NBPF9: variants seen among roughly 807,000 people sequenced by gnomAD.
NBPF9 encodes the protein NBPF member 9, also known as NBPF family member NBPF9.
Under a neutral mutation model 97.8 loss-of-function variants are expected in NBPF9, and 91 were observed. The observed-to-expected ratio is 0.93, with a 90% CI of 0.79 to 1.11. The LOEUF is 1.11. Among genes scored for constraint, NBPF9 ranks in the 50% least tolerant of loss-of-function variants. NBPF9 has a pLI of 0.00. For synonymous variants in NBPF9, 334 were observed against 359.5 expected (o/e 0.93, Z 0.80); for missense variants, 992 against 939.5 (o/e 1.06, Z -0.73).
At chr1:149,055,466 T>C in exon 30 of NBPF9, 1 of 1,062,958 alleles carries the variant, frequency 9.4e-7, no homozygotes, top group South Asian at 1.6e-5. Flanking sequence ...GTGTCACACC[T>C]AACGTGGGTC....
intron 11 of NBPF9, among the ~76,000 whole-genome samples, chr1:149,076,758 T>A (rs1468353895): frequency 6.7e-6 from 1 of 150,130 alleles, no homozygotes; most frequent in East Asian, 2.0e-4. Flanking sequence ...TCCACCCACC[T>A]CGGCCTCCCA....
rs1344744657 is a variant in NBPF9 at position 149,059,786 on chromosome 1, C to A, written c.2499G>T (p.Gly833=). 14 of 528,834 alleles carry A rather than the reference C, an allele frequency of 2.6e-5. 1 individual carries two copies. Among genetic ancestry groups the A allele is most frequent in the Non-Finnish European group, 4.7e-5 (14 of 295,044 alleles). The allele number at this position is 528,834 out of a possible 1,614,324, so 32.8% of individuals were successfully genotyped here. A position where few individuals can be genotyped will look rare whatever the true frequency, so the allele number is the denominator to read the frequency against. ...TTGATCTTCTTCCCCTTCTTTTCTTCCCCTTCCCCTTCTTTTCAATTTCTG... is the reference window on the plus strand; with the variant it reads ...TTGATCTTCTTCCCCTTCTTTTCTTACCCTTCCCCTTCTTTTCAATTTCTG... Residue 833 remains glycine, a synonymous_variant, in exon 25 of 30, where the codon GGG becomes GGT. Coordinates refer to ENST00000584027, the Ensembl canonical transcript of NBPF9.
chr1:149,057,704 G>GACACACAC (rs879952249), intron 27 of NBPF9, among the ~76,000 whole-genome samples, 197 bp from the exon 28 acceptor site: 6 of 27,844 alleles, frequency 2.2e-4, no homozygotes, highest in Non-Finnish European at 5.1e-4. Context: ...AAGACAGATA[G>GACACACAC]ACACACACAC....
chr1:149,070,838 T>C (rs1345263062), intron 16 of NBPF9, 96 bp downstream of exon 16: 11 of 1,407,484 alleles, frequency 7.8e-6, no homozygotes, highest in East Asian at 4.5e-5. Context: ...ATCACAGTTT[T>C]TTATTCAAAT....
chr1:149,087,140 T>C (rs1458076079), intron 5 of NBPF9, among the ~76,000 whole-genome samples: 13 of 152,014 alleles, frequency 8.6e-5, no homozygotes, highest in Non-Finnish European at 1.6e-4. Context: ...GAGCATCTTT[T>C]CCTATGCTAA....
intron 5 of NBPF9, among the ~76,000 whole-genome samples, chr1:149,088,813 A>T (rs1174091466): frequency 6.6e-6 from 1 of 151,986 alleles, no homozygotes; most frequent in African/African-American, 2.4e-5. Context: ...TTGTGGCAGC[A>T]TTGAAGGCTT....
At chr1:149,080,847 C>A (rs1261467770) in intron 7 of NBPF9, among the ~76,000 whole-genome samples, 23 of 149,888 alleles carry the variant, frequency 1.5e-4, no homozygotes, top group Non-Finnish European at 2.5e-4. Context: ...ACAGGAAATG[C>A]CTCATGTAAT....
chr1:149,088,425 T>C (rs1319953764), intron 5 of NBPF9, among the ~76,000 whole-genome samples: 1 of 152,260 alleles, frequency 6.6e-6, no homozygotes, highest in Non-Finnish European at 1.5e-5. Context: ...TTTAGAGCTC[T>C]AGTATAATGC....
At position 149,063,766 on chromosome 1, in the gene NBPF9, G is replaced by T. The variant is rs782474996; in HGVS notation, c.1893C>A (p.Val631=). ...AACATCTATCCAGTGAGTCCTGCAA[G>T]ACTTCAGGCCCTTTCTCATCCAGCA... Residue 631 remains valine, a synonymous_variant, in exon 20 of 30, where the codon GTC becomes GTA. Coordinates refer to ENST00000584027, the Ensembl canonical transcript of NBPF9. 1.7e-3 allele frequency: 1,011 copies of T among 611,146 alleles called. 3 individuals carry two copies. Among genetic ancestry groups the T allele is most frequent in the Non-Finnish European group, 2.4e-3 (848 of 347,438 alleles). The allele number at this position is 611,146 out of a possible 1,614,324, so 37.9% of individuals were successfully genotyped here. A position where few individuals can be genotyped will look rare whatever the true frequency, so the allele number is the denominator to read the frequency against.
intron 13 of NBPF9, 47 bp from the exon 14 acceptor site, chr1:149,072,979 G>A (rs782107361): frequency 6.3e-7 from 1 of 1,583,548 alleles, no homozygotes; most frequent in East Asian, 2.2e-5. Flanking sequence ...AGGGTTGAGT[G>A]ATCCGCTCAA....
At chr1:149,074,246 G>A (rs1218840153) in intron 12 of NBPF9, among the ~76,000 whole-genome samples, 6 of 151,164 alleles carry the variant, frequency 4.0e-5, no homozygotes, top group African/African-American at 9.7e-5. Flanking sequence ...TTGTACAGTC[G>A]GGAAGGCCCC....
intron 3 of NBPF9, among the ~76,000 whole-genome samples, chr1:149,100,912 C>T (rs1483929468): frequency 6.9e-6 from 1 of 144,344 alleles, no homozygotes; most frequent in South Asian, 2.2e-4. Flanking sequence ...CTAGCCTGGG[C>T]AATAGAGTGA....
exon 3 of NBPF9, chr1:149,101,357 C>T (rs1202940957): frequency 2.9e-5 from 4 of 138,246 alleles, no homozygotes; most frequent in African/African-American, 8.2e-5. Flanking sequence ...CACTGCACTC[C>T]AGCCTGGGCA....
At position 149,055,661 on chromosome 1, in the gene NBPF9, G is replaced by A. The variant is rs587738365; in HGVS notation, c.3331C>T (p.Gln1111Ter). ...CTCGGCTTAGTAAGGGCTGCTTATT[G>A]TGGGAATATGACTTCCATCTGGAAC... Residue 1111 changes from glutamine to a stop codon, truncating the protein, a stop_gained, in exon 30 of 30, where the codon CAA (glutamine) becomes TAA (stop). Coordinates refer to ENST00000584027, the Ensembl canonical transcript of NBPF9. LOFTEE classifies it high-confidence loss of function. 2.3e-4 allele frequency: 372 copies of A among 1,611,886 alleles called. 1 individual carries two copies. Among genetic ancestry groups the A allele is most frequent in the Admixed American group, 1.4e-3 (85 of 60,006 alleles).
chr1:149,056,280 G>C (rs1553648971), intron 29 of NBPF9, among the ~76,000 whole-genome samples: 3 of 135,526 alleles, frequency 2.2e-5, no homozygotes, highest in Admixed American at 1.5e-4. Flanking sequence ...CGATGCAGTG[G>C]CCATGAGAGT....
intron 3 of NBPF9, 65 bp downstream of exon 3, chr1:149,101,197 T>C (rs1337497188): frequency 1.3e-5 from 2 of 151,548 alleles, no homozygotes; most frequent in East Asian, 1.9e-4. Flanking sequence ...GACCAGCCTA[T>C]GCAATGTGGC....
chr1:149,073,615 T>C (rs1488766444), intron 13 of NBPF9, among the ~76,000 whole-genome samples, 153 bp downstream of exon 13: 2 of 150,278 alleles, frequency 1.3e-5, no homozygotes, highest in Non-Finnish European at 3.0e-5. Context: ...ATCCTTCTTC[T>C]CTGTTTGATA....
Position 149,060,283 on chromosome 1 carries a change from G to A in NBPF9, c.2476+240C>T, listed in dbSNP as rs2078513481. 6 of 349,512 alleles carry A rather than the reference G, an allele frequency of 1.7e-5. 1 individual carries two copies. Among genetic ancestry groups the A allele is most frequent in the Non-Finnish European group, 2.2e-5 (4 of 185,386 alleles). The allele number at this position is 349,512 out of a possible 1,614,324, so 21.7% of individuals were successfully genotyped here. A position where few individuals can be genotyped will look rare whatever the true frequency, so the allele number is the denominator to read the frequency against. ...CACATCTGCCCAGGTCCAATGTCATGAGGATAGGATCAGGGCGCCACAGGT... is the reference window on the plus strand; with the variant it reads ...CACATCTGCCCAGGTCCAATGTCATAAGGATAGGATCAGGGCGCCACAGGT... On this transcript the variant is annotated intron_variant, in intron 24 of 29. Transcript: ENST00000584027.
In NBPF9 at chr1:149,079,442, C is replaced by T. The variant is rs1416735095; in HGVS notation, c.279-221G>A. 5.3e-5 allele frequency among the ~76,000 whole-genome samples: 8 copies of T among 151,812 alleles called. No homozygotes were observed. In the East Asian group the frequency reaches 1.2e-3, roughly 22 times the overall value. On this transcript the variant is annotated intron_variant, in intron 8 of 29. Coordinates refer to ENST00000584027, the Ensembl canonical transcript of NBPF9. Reference sequence around the variant, plus strand: ...TCCTGCAAGATCCTCGATGATGTTCCATTCATCTTTCCCTTCTGTAAACAA... The same window carrying T: ...TCCTGCAAGATCCTCGATGATGTTCTATTCATCTTTCCCTTCTGTAAACAA...
Sources: gnomAD v4.1 joint callset for allele counts (sites outside exome capture counted in the v4.1 genomes callset) on GRCh38, gnomAD v4.1.1 for gene constraint, MANE v1.5 for transcripts, NCBI Gene and HGNC (gene_info 2026-07-23, HGNC 2026-07-21) for gene names.